The following GANC variants were observed in gnomAD, a reference collection of about 807,000 sequenced individuals.
GANC encodes glucosidase alpha, neutral C.
Under a neutral mutation model 124.2 loss-of-function variants are expected in GANC, and 117 were observed. That is an observed-to-expected ratio of 0.94 (90% CI 0.81 to 1.10). The LOEUF is 1.10. Among genes scored for constraint, GANC ranks in the 50% least tolerant of loss-of-function variants. GANC has a pLI of 0.00. For synonymous variants in GANC, 377 were observed against 376.8 expected (o/e 1.00, Z -0.01); for missense variants, 1,140 against 1,095.0 (o/e 1.04, Z -0.58).
In GANC at chr15:42,287,739, C is replaced by T. The variant is rs2051804485; in HGVS notation, c.250C>T (p.Leu84Phe). ...TGGTATAGAAGGAAACATTTTCAGG[C>T]TTAAAATTAATGAAGAGACTCCTCT... is the stretch of plus-strand genomic sequence containing the variant. ...IYGIEGNIFR[L>F]KINEETPLKP... Residue 84 changes from leucine to phenylalanine, a missense_variant, in exon 4 of 24, where the codon CTT (leucine) becomes TTT (phenylalanine). Physicochemically the swap from Leu to Phe is conservative, Grantham distance 22. Coordinates refer to ENST00000318010, the MANE Select transcript of GANC (RefSeq NM_198141.3). 1.2e-6 allele frequency: 2 copies of T among 1,613,022 alleles called. No individual in the cohort carries two copies. The highest frequency in any genetic ancestry group is 8.5e-7 in the Non-Finnish European group (1 of 1,179,326).
Position 42,349,547 on chromosome 15 carries a change from G to A in GANC, c.2531+52G>A, listed in dbSNP as rs533434487. ...TTTTCTTAAGTAAATCACACTATCCGTTCAGCATCCTCAAATCAAATGCAC... is the reference window on the plus strand; with the variant it reads ...TTTTCTTAAGTAAATCACACTATCCATTCAGCATCCTCAAATCAAATGCAC... On this transcript the variant is annotated intron_variant, in intron 22 of 23. Transcript: ENST00000318010. The A allele has an allele frequency of 5.4e-4, 564 of 1,035,580 alleles. 3 individuals are homozygous for A. Among genetic ancestry groups the A allele is most frequent in the East Asian group, 9.6e-5 (4 of 41,846 alleles). The allele number at this position is 1,035,580 out of a possible 1,614,324, so 64.1% of individuals were successfully genotyped here.
chr15:42,296,739 A>G (rs2051895827), intron 5 of GANC, among the ~76,000 whole-genome samples: 1 of 152,174 alleles, frequency 6.6e-6, no homozygotes, highest in Non-Finnish European at 1.5e-5. Context: ...GAATTCCCAA[A>G]CAACATATTA....
intron 6 of GANC, among the ~76,000 whole-genome samples, 158 bp downstream of exon 6, chr15:42,297,814 C>T (rs2051906039): frequency 8.2e-6 from 1 of 122,624 alleles, no homozygotes; most frequent in African/African-American, 2.8e-5. Context: ...ACCTTGTCAT[C>T]TCGTTGATTC....
At chr15:42,336,461 A>G (rs2052284293) in intron 15 of GANC, among the ~76,000 whole-genome samples, 1 of 152,204 alleles carries the variant, frequency 6.6e-6, no homozygotes, top group African/African-American at 2.4e-5. Context: ...CTCCTTTCAT[A>G]TACTGTATAC....
intron 22 of GANC, 51 bp from the exon 23 acceptor site, chr15:42,351,278 C>T (rs1236286549): frequency 1.5e-6 from 2 of 1,336,364 alleles, no homozygotes; most frequent in Admixed American, 1.7e-5. Flanking sequence ...AGCTGGTGGC[C>T]ACTTCAAACC....
chr15:42,314,378 C>T, intron 10 of GANC: 2 of 488,204 alleles, frequency 4.1e-6, no homozygotes, highest in Non-Finnish European at 7.4e-6. Context: ...CAACTTCTAC[C>T]AGCACCTTTT....
intron 5 of GANC, among the ~76,000 whole-genome samples, chr15:42,293,386 T>A (rs895377129): frequency 4.6e-5 from 7 of 152,216 alleles, no homozygotes; most frequent in African/African-American, 1.7e-4. Flanking sequence ...TCTTATTCCA[T>A]TCTTACGAAC....
chr15:42,343,243 TTGTGAA>T, intron 19 of GANC, 89 bp downstream of exon 19: 8 of 1,120,330 alleles, frequency 7.1e-6, no homozygotes, highest in South Asian at 1.3e-5. Flanking sequence ...CATCATGTGT[TTGTGAA>T]CACACCCCAG....
In GANC at chr15:42,308,426, C is replaced by T. The variant is rs1395307684; in HGVS notation, c.722+108C>T. The T allele has an allele frequency of 1.2e-5, 8 of 667,184 alleles. 1 individual carries two copies. Among genetic ancestry groups the T allele is most frequent in the Non-Finnish European group, 2.2e-5 (8 of 370,498 alleles). The allele number at this position is 667,184 out of a possible 1,614,324, so 41.3% of individuals were successfully genotyped here. A position where few individuals can be genotyped will look rare whatever the true frequency, so the allele number is the denominator to read the frequency against. On this transcript the variant is annotated intron_variant, in intron 8 of 23. Coordinates refer to ENST00000318010, the MANE Select transcript of GANC (RefSeq NM_198141.3). ...AGTGCTAATATGTGCCAGGCCTTTTCCTCCTTTATATTGCTTGTGGATCTT... is the reference window on the plus strand; with the variant it reads ...AGTGCTAATATGTGCCAGGCCTTTTTCTCCTTTATATTGCTTGTGGATCTT...
In GANC at chr15:42,345,806, G is replaced by A. The variant is rs150250026; in HGVS notation, c.2278G>A (p.Val760Ile). 3.0e-5 allele frequency: 48 copies of A among 1,611,650 alleles called. No individual in the cohort carries two copies. Among genetic ancestry groups the A allele is most frequent in the South Asian group, 1.6e-4 (15 of 91,014 alleles). The change falls in exon 20 of 24, where the codon GTA becomes ATA. Residue 760 changes from valine to isoleucine, a missense_variant. Val to Ile is a conservative substitution (Grantham distance 29). Transcript: ENST00000318010. ...TFAHWEGGCT[V>I]KIPVALDTIP... ...TGCTCATTGGGAAGGAGGGTGTACT[G>A]TAAAGATCCCAGTAGCCTTGGACAC...
intron 3 of GANC, among the ~76,000 whole-genome samples, chr15:42,285,141 A>G (rs2051774966): frequency 6.6e-6 from 1 of 152,252 alleles, no homozygotes. Context: ...TTTTAGGTAG[A>G]AGAATATAAC....
intron 3 of GANC, among the ~76,000 whole-genome samples, chr15:42,282,694 T>A (rs1215869246): frequency 9.9e-5 from 15 of 152,200 alleles, no homozygotes. Flanking sequence ...CCTTCCCCAA[T>A]CTGCTCCTTA....
At chr15:42,293,741 T>G (rs1193403613) in intron 5 of GANC, among the ~76,000 whole-genome samples, 1 of 151,714 alleles carries the variant, frequency 6.6e-6, no homozygotes, top group Admixed American at 6.5e-5. Context: ...TACCCACTAC[T>G]CATGTTCTTT....
intron 4 of GANC, among the ~76,000 whole-genome samples, chr15:42,292,272 A>G (rs2051847522): frequency 6.6e-6 from 1 of 152,150 alleles, no homozygotes; most frequent in South Asian, 2.1e-4. Context: ...GGAATGAGAA[A>G]GAAAAACAAT....
In GANC at chr15:42,348,485, G is replaced by A. The variant is rs1238398663; in HGVS notation, c.2418+269G>A. ...ACTTGACGTTGATTACTACTGGAGTGAATGCTTTTTGGGCCATAGACAGCC... is the reference window on the plus strand; with the variant it reads ...ACTTGACGTTGATTACTACTGGAGTAAATGCTTTTTGGGCCATAGACAGCC... On this transcript the variant is annotated intron_variant, in intron 21 of 23. Transcript: ENST00000318010. Among the ~76,000 whole-genome samples the A allele has an allele frequency of 3.3e-5, 5 of 152,192 alleles. No homozygotes were observed. The South Asian group carries it at 8.3e-4, about 25-fold the overall frequency.
chr15:42,347,721 A>T (rs2141082560), intron 20 of GANC, among the ~76,000 whole-genome samples: 1 of 152,348 alleles, frequency 6.6e-6, no homozygotes, highest in African/African-American at 2.4e-5. Context: ...TTCACTCTTC[A>T]GCAGGGTTCT....
At position 42,297,935 on chromosome 15, in the gene GANC, A is replaced by T. The variant is rs986544568; in HGVS notation, c.558+279A>T. On this transcript the variant is annotated intron_variant, in intron 6 of 23. Coordinates refer to ENST00000318010, the MANE Select transcript of GANC (RefSeq NM_198141.3). ...TAGGCAAGGAGAATCAGCCTTGAATAAAACAAATCCCAAACATGTTCTCAT... is the reference window on the plus strand; with the variant it reads ...TAGGCAAGGAGAATCAGCCTTGAATTAAACAAATCCCAAACATGTTCTCAT... Among the ~76,000 whole-genome samples the T allele has an allele frequency of 7.2e-4, 109 of 152,202 alleles. 1 individual carries two copies. The highest frequency in any genetic ancestry group is 2.5e-3 in the African/African-American group (105 of 41,444).
chr15:42,309,476 C>A (rs761000481), intron 8 of GANC, among the ~76,000 whole-genome samples: 1 of 151,974 alleles, frequency 6.6e-6, no homozygotes, highest in Non-Finnish European at 1.5e-5. Flanking sequence ...TGCGCCACTA[C>A]GCCCAGCTAA....
chr15:42,331,658 A>G (rs1024855563), intron 15 of GANC, among the ~76,000 whole-genome samples: 16 of 152,246 alleles, frequency 1.1e-4, no homozygotes, highest in Middle Eastern at 3.2e-3. Context: ...GCAAAGATTC[A>G]TGTACAGAGG....
Sources: gnomAD v4.1 joint callset for allele counts (sites outside exome capture counted in the v4.1 genomes callset) on GRCh38, gnomAD v4.1.1 for gene constraint, MANE v1.5 for transcripts, NCBI Gene and HGNC (gene_info 2026-07-23, HGNC 2026-07-21) for gene names.